The following HMCN1 variants were observed in gnomAD, a reference collection of about 807,000 sequenced individuals.
HMCN1 encodes hemicentin 1.
In HMCN1, 321 loss-of-function variants were observed where a neutral mutation model predicts 625.9. That is an observed-to-expected ratio of 0.51 (90% CI 0.47 to 0.56). HMCN1 has a LOEUF of 0.56. Ranked by LOEUF, HMCN1 falls within the 20% of genes least tolerant of loss-of-function variation. The probability of loss-of-function intolerance (pLI) is 0.00; values close to 1 mark genes in which losing one functional copy is unlikely to be tolerated. For synonymous variants in HMCN1, 2,425 were observed against 2,417.6 expected (o/e 1.00, Z -0.09); for missense variants, 6,588 against 6,887.3 (o/e 0.96, Z 1.54).
At chr1:186,129,281 A>G (rs905132634) in intron 83 of HMCN1, among the ~76,000 whole-genome samples, 3 of 151,030 alleles carry the variant, frequency 2.0e-5, no homozygotes, top group Admixed American at 1.3e-4. Flanking sequence ...TCAGAATTTT[A>G]TTTAGTCTTA....
intron 36 of HMCN1, 144 bp from the exon 37 acceptor site, chr1:186,037,790 T>C: frequency 9.2e-6 from 6 of 651,598 alleles, no homozygotes; most frequent in East Asian, 2.7e-5. Flanking sequence ...GTCTATTTAA[T>C]AGTTTACTTT....
At position 186,001,301 on chromosome 1, in the gene HMCN1, C is replaced by T. The variant is rs1191269753; in HGVS notation, c.4073C>T (p.Pro1358Leu). ...ERKYNLKVHV[P>L]PVIKDKEQVT... is the part of the protein sequence containing the mutation. ...TATGACTCCTCTCTTTTTGCAGTTCCTCCAGTAATTAAAGATAAAGAACAA... is the reference window on the plus strand; with the variant it reads ...TATGACTCCTCTCTTTTTGCAGTTCTTCCAGTAATTAAAGATAAAGAACAA... Residue 1358 changes from proline (P) to leucine (L), a missense_variant, in exon 27 of 107, where the codon CCT (proline) becomes CTT (leucine). Pro to Leu is a moderately conservative substitution (Grantham distance 98, BLOSUM62 -3). Transcript: ENST00000271588. 2 of 1,610,342 alleles carry T rather than the reference C, an allele frequency of 1.2e-6. No homozygotes were observed. Among genetic ancestry groups the T allele is most frequent in the African/African-American group, 1.3e-5 (1 of 74,732 alleles).
chr1:185,865,184 CT>C (rs1437526764), intron 3 of HMCN1, among the ~76,000 whole-genome samples: 4 of 152,204 alleles, frequency 2.6e-5, no homozygotes, highest in African/African-American at 9.7e-5. Flanking sequence ...GTCTTACCCT[CT>C]TTTTGAGACC....
At chr1:186,016,549 C>A (rs556124089) in intron 32 of HMCN1, among the ~76,000 whole-genome samples, 1 of 152,116 alleles carries the variant, frequency 6.6e-6, no homozygotes, top group Admixed American at 6.6e-5. Context: ...AAGCATTGTG[C>A]CAGATAACAG....
At chr1:186,099,224 GA>G (rs1660280719) in intron 68 of HMCN1, among the ~76,000 whole-genome samples, 1 of 152,000 alleles carries the variant, frequency 6.6e-6, no homozygotes, top group South Asian at 2.1e-4. Flanking sequence ...ACCCTGATTT[GA>G]TAATTACACA....
At chr1:186,156,051 C>T (rs1650992527) in intron 97 of HMCN1, among the ~76,000 whole-genome samples, 2 of 152,124 alleles carry the variant, frequency 1.3e-5, no homozygotes, top group African/African-American at 4.8e-5. Flanking sequence ...TTGGAAAGTA[C>T]TGGTCGAGAA....
At chr1:186,151,792 A>G in intron 95 of HMCN1, 49 bp downstream of exon 95, 1 of 1,572,184 alleles carries the variant, frequency 6.4e-7, no homozygotes, top group Non-Finnish European at 8.7e-7. Flanking sequence ...AAGTGCCATG[A>G]AGATAGGTGA....
chr1:185,840,305 C>T (rs550727206), intron 1 of HMCN1, among the ~76,000 whole-genome samples: 1 of 152,216 alleles, frequency 6.6e-6, no homozygotes, highest in Admixed American at 6.5e-5. Flanking sequence ...AAAACATCCC[C>T]AATCCTTTGA....
At chr1:185,879,379 C>T (rs898891101) in intron 4 of HMCN1, among the ~76,000 whole-genome samples, 1 of 152,012 alleles carries the variant, frequency 6.6e-6, no homozygotes, top group African/African-American at 2.4e-5. Flanking sequence ...TCTATGTTGC[C>T]CAGGCTGGTT....
intron 55 of HMCN1, among the ~76,000 whole-genome samples, chr1:186,079,771 A>G (rs754240094): frequency 1.3e-5 from 2 of 152,200 alleles, no homozygotes; most frequent in Non-Finnish European, 2.9e-5. Context: ...GTTATTTTCA[A>G]TTAGGAAGTC....
At chr1:186,116,607 G>A (rs1322977116) in intron 75 of HMCN1, among the ~76,000 whole-genome samples, 1 of 152,092 alleles carries the variant, frequency 6.6e-6, no homozygotes, top group Admixed American at 6.6e-5. Flanking sequence ...GATAATTTAT[G>A]CAAAGCATTT....
rs1446208742 is a variant in HMCN1 at position 185,909,470 on chromosome 1, G to C, written c.755G>C (p.Ser252Thr). The change falls in exon 5 of 107, where the codon AGT becomes ACT. Residue 252 changes from serine to threonine, a missense_variant. Ser to Thr is a moderately conservative substitution (Grantham distance 58). Around this residue, in one of 3 missense-constraint regions of HMCN1, gnomAD observed 4,628 missense variants for 4,853.1 expected, o/e 0.95. Transcript: ENST00000271588. The stretch of plus-strand genomic sequence containing the variant: ...CTGAAAGAGGTCACTGTGTCTTTGA[G>C]TGGGCCTTCTCCAATGATTGAAATT... ...PSLKEVTVSL[S>T]GPSPMIEIRN... The C allele has an allele frequency of 6.2e-7, 1 of 1,613,590 alleles. No homozygotes were observed. The highest frequency in any genetic ancestry group is 2.2e-5 in the East Asian group (1 of 44,856).
rs1273012902 is a variant in HMCN1 at position 186,189,647 on chromosome 1, G to A, written c.16677G>A (p.Gln5559=). ...QDLIRLVAYT[Q]DGVMHPRTTF... ...TAATCCGGCTGGTTGCATACACACA[G>A]GATGGAGTGATGCATCCCAGGACAA... The change falls in exon 107 of 107, where the codon CAG becomes CAA. Residue 5559 remains glutamine (Q), a synonymous_variant. Transcript: ENST00000271588. The A allele has an allele frequency of 1.6e-5, 25 of 1,612,040 alleles. No homozygotes were observed. The highest frequency in any genetic ancestry group is 2.0e-5 in the Non-Finnish European group (24 of 1,178,768).
intron 11 of HMCN1, among the ~76,000 whole-genome samples, chr1:185,939,892 A>G (rs1667999438): frequency 6.6e-6 from 1 of 152,208 alleles, no homozygotes; most frequent in Non-Finnish European, 1.5e-5. Context: ...GTCAATTTAT[A>G]AGAAGAAACA....
At chr1:185,885,589 T>G (rs1664596404) in intron 4 of HMCN1, among the ~76,000 whole-genome samples, 1 of 151,980 alleles carries the variant, frequency 6.6e-6, no homozygotes, top group South Asian at 2.1e-4. Context: ...GGAGTATGTT[T>G]CTATATTCAG....
chr1:186,166,979 A>G (rs1651920724), intron 100 of HMCN1, 37 bp downstream of exon 100: 1 of 1,613,694 alleles, frequency 6.2e-7, no homozygotes, highest in Non-Finnish European at 8.5e-7. Flanking sequence ...TGTTCATGAC[A>G]GTAAGAATTA....
At chr1:186,155,896 T>C (rs1650981275) in intron 97 of HMCN1, among the ~76,000 whole-genome samples, 1 of 152,328 alleles carries the variant, frequency 6.6e-6, no homozygotes, top group African/African-American at 2.4e-5. Context: ...GCAGTGAAAT[T>C]AGAATCTTCT....
At chr1:186,124,547 A>T (rs1661554075) in intron 81 of HMCN1, among the ~76,000 whole-genome samples, 1 of 152,082 alleles carries the variant, frequency 6.6e-6, no homozygotes, top group Non-Finnish European at 1.5e-5. Flanking sequence ...AGTATTTACG[A>T]TGTACCATTG....
intron 34 of HMCN1, among the ~76,000 whole-genome samples, chr1:186,018,584 GAAAT>G (rs895451934): frequency 1.5e-4 from 23 of 151,870 alleles, no homozygotes; most frequent in African/African-American, 5.6e-4. Flanking sequence ...ATAACTCTGG[GAAAT>G]AAATAAATAA....
Sources: allele counts gnomAD v4.1 joint callset (sites outside exome capture counted in the v4.1 genomes callset), GRCh38; gene constraint gnomAD v4.1.1; regional missense constraint gnomAD v4.1.1; transcripts MANE v1.5; gene names NCBI Gene and HGNC (gene_info 2026-07-23, HGNC 2026-07-21).